PDE1A: variants seen among roughly 807,000 people sequenced by gnomAD.
PDE1A encodes the protein dual specificity calcium/calmodulin-dependent 3',5'-cyclic nucleotide phosphodiesterase 1A.
A neutral mutation model predicts 61.7 loss-of-function variants in PDE1A; 35 were observed. The ratio of observed to expected loss-of-function variants is 0.57; its 90% CI spans 0.43 to 0.75. The LOEUF (loss-of-function observed/expected upper bound fraction) is 0.75. PDE1A is among the 30% of genes least tolerant of loss of function. The probability of loss-of-function intolerance (pLI) is 0.00; values close to 1 mark genes in which losing one functional copy is unlikely to be tolerated. For synonymous variants in PDE1A, 232 were observed against 213.2 expected (o/e 1.09, Z -0.77); for missense variants, 597 against 630.6 (o/e 0.95, Z 0.57).
At chr2:182,517,624 T>A (rs1690292149) in intron 2 of PDE1A, among the ~76,000 whole-genome samples, 2 of 152,206 alleles carry the variant, frequency 1.3e-5, no homozygotes, top group Admixed American at 6.6e-5. Flanking sequence ...AAATACAGGT[T>A]ATTTATGAGC....
At chr2:182,647,705 G>T in the PDE1A span, among the ~76,000 whole-genome samples, 1 of 152,118 alleles carries the variant, frequency 6.6e-6, no homozygotes, top group African/African-American at 2.4e-5. Context: ...AAGATACGAT[G>T]CTACAGTAAA....
chr2:182,407,470 C>T (rs1482907446), intron 1 of PDE1A, among the ~76,000 whole-genome samples: 1 of 152,076 alleles, frequency 6.6e-6, no homozygotes, highest in African/African-American at 2.4e-5. Flanking sequence ...CAACCTCTGT[C>T]TCCCAGGTCC....
At chr2:182,228,964 T>C (rs1047791250) in intron 6 of PDE1A, among the ~76,000 whole-genome samples, 1 of 152,190 alleles carries the variant, frequency 6.6e-6, no homozygotes, top group Non-Finnish European at 1.5e-5. Context: ...CTAGGAGTCA[T>C]GCGAGGCTGG....
At chr2:182,488,961 A>C (rs1688201054) in intron 2 of PDE1A, among the ~76,000 whole-genome samples, 1 of 152,256 alleles carries the variant, frequency 6.6e-6, no homozygotes, top group African/African-American at 2.4e-5. Context: ...TTTGCTTTCT[A>C]ATGGGCATGG....
chr2:182,604,976 G>A, the PDE1A span, among the ~76,000 whole-genome samples: 2 of 151,544 alleles, frequency 1.3e-5, no homozygotes, highest in African/African-American at 2.4e-5. Context: ...CTTAAAGTGT[G>A]ACTTAGTGGC....
At chr2:182,658,073 C>CAAAAAAACAA in the PDE1A span, among the ~76,000 whole-genome samples, 1 of 119,564 alleles carries the variant, frequency 8.4e-6, no homozygotes, top group Non-Finnish European at 1.6e-5. Context: ...AAAAAAAAAA[C>CAAAAAAACAA]AAAAAAACTT....
At chr2:182,452,543 C>G (rs951948250) in intron 2 of PDE1A, among the ~76,000 whole-genome samples, 12 of 152,028 alleles carry the variant, frequency 7.9e-5, no homozygotes, top group Non-Finnish European at 1.5e-4. Flanking sequence ...CTTCCAGCAC[C>G]TTGATTCTGT....
At chr2:182,408,419 A>G (rs1702426288) in intron 1 of PDE1A, among the ~76,000 whole-genome samples, 2 of 152,340 alleles carry the variant, frequency 1.3e-5, no homozygotes, top group East Asian at 3.9e-4. Flanking sequence ...ACTTACTAGA[A>G]TGACATACAT....
chr2:182,151,443 G>A (rs557113000), intron 13 of PDE1A, among the ~76,000 whole-genome samples: 34 of 152,226 alleles, frequency 2.2e-4, no homozygotes, highest in Non-Finnish European at 3.8e-4. Flanking sequence ...TTGAACAATT[G>A]TGGAAGCTGA....
At chr2:182,678,480 A>C in the PDE1A span, among the ~76,000 whole-genome samples, 12 of 152,142 alleles carry the variant, frequency 7.9e-5, no homozygotes, top group African/African-American at 2.4e-4. Context: ...GTGAATTGAA[A>C]AATGTCCTAA....
intron 4 of PDE1A, among the ~76,000 whole-genome samples, chr2:182,233,812 CACAAT>C (rs1315835461): frequency 2.4e-5 from 3 of 127,200 alleles, no homozygotes; most frequent in Non-Finnish European, 5.2e-5. Context: ...CACACACACA[CACAAT>C]GAGGCAAGTA....
chr2:182,376,654 G>T (rs556263324), intron 1 of PDE1A, among the ~76,000 whole-genome samples: 2 of 152,178 alleles, frequency 1.3e-5, no homozygotes, highest in Admixed American at 6.5e-5. Context: ...ACATTTTCGG[G>T]TATCTTTTCA....
chr2:182,598,403 C>T, the PDE1A span, among the ~76,000 whole-genome samples: 2 of 152,098 alleles, frequency 1.3e-5, no homozygotes, highest in Non-Finnish European at 2.9e-5. Context: ...GAAACCCTGT[C>T]TCTACTAAAA....
At chr2:182,424,924 A>G (rs749406772) in intron 1 of PDE1A, among the ~76,000 whole-genome samples, 3 of 152,192 alleles carry the variant, frequency 2.0e-5, no homozygotes, top group African/African-American at 7.2e-5. Context: ...TCATGAAGCA[A>G]ATCACTTGAA....
chr2:182,188,193 C>T (rs536488535), intron 11 of PDE1A, among the ~76,000 whole-genome samples: 1 of 152,292 alleles, frequency 6.6e-6, no homozygotes, highest in East Asian at 1.9e-4. Context: ...CACGTTTACA[C>T]TTACTAAGCA....
the PDE1A span, among the ~76,000 whole-genome samples, chr2:182,538,523 GCTGGA>G: frequency 5.3e-5 from 8 of 150,580 alleles, no homozygotes; most frequent in Admixed American, 3.3e-4. Flanking sequence ...GCTTTTTTTT[GCTGGA>G]CTCTATATTC....
chr2:182,574,006 C>T, the PDE1A span, among the ~76,000 whole-genome samples: 3 of 147,090 alleles, frequency 2.0e-5, no homozygotes, highest in African/African-American at 5.0e-5. Context: ...TATATATATA[C>T]GGAGTTTATT....
the PDE1A span, among the ~76,000 whole-genome samples, chr2:182,567,295 T>C: frequency 6.6e-6 from 1 of 152,210 alleles, no homozygotes; most frequent in South Asian, 2.1e-4. Flanking sequence ...TATTTGTGTT[T>C]GATATCTCTC....
the PDE1A span, among the ~76,000 whole-genome samples, chr2:182,586,771 C>A: frequency 6.6e-6 from 1 of 152,138 alleles, no homozygotes. Context: ...CACTATTTTA[C>A]ACTGACATTT....
Sources: gnomAD v4.1 joint callset for allele counts (sites outside exome capture counted in the v4.1 genomes callset) on GRCh38, gnomAD v4.1.1 for gene constraint, MANE v1.5 for transcripts, NCBI Gene and HGNC (gene_info 2026-07-23, HGNC 2026-07-21) for gene names.